The following CIMIP7 variants were observed in gnomAD, a reference collection of about 807,000 sequenced individuals.
CIMIP7 encodes uncharacterized protein C3orf84.
At chr3:49,189,924 G>A in the CIMIP7 span, 3 of 844,076 alleles carry the variant, frequency 3.6e-6, no homozygotes, top group East Asian at 7.3e-5. Context: ...CCAGGGATAG[G>A]TGTCAGTACA....
At chr3:49,191,676 A>G in the CIMIP7 span, 1 of 1,528,026 alleles carries the variant, frequency 6.5e-7, no homozygotes, top group Non-Finnish European at 9.0e-7. Flanking sequence ...CTTCACCGGC[A>G]TGACTCAGTC....
chr3:49,182,462 G>A, the CIMIP7 span, among the ~76,000 whole-genome samples: 1 of 152,176 alleles, frequency 6.6e-6, no homozygotes, highest in Non-Finnish European at 1.5e-5. Flanking sequence ...CACAAACCCT[G>A]AGCTAGACAC....
At chr3:49,178,617 G>A in the CIMIP7 span, 10 of 1,280,878 alleles carry the variant, frequency 7.8e-6, no homozygotes, top group Non-Finnish European at 1.1e-5. Flanking sequence ...ACTGCCTCAG[G>A]GTCCTTAATG....
the CIMIP7 span, chr3:49,177,639 G>A: frequency 3.2e-6 from 5 of 1,573,472 alleles, no homozygotes; most frequent in South Asian, 5.8e-5. Flanking sequence ...TGCTGTGTCA[G>A]CTGTCCTTGT....
chr3:49,178,787 A>G, the CIMIP7 span, among the ~76,000 whole-genome samples: 1 of 152,314 alleles, frequency 6.6e-6, no homozygotes, highest in South Asian at 2.1e-4. Context: ...GGTCCTCAAT[A>G]AGGAGGCATC....
chr3:49,184,876 C>T, the CIMIP7 span, among the ~76,000 whole-genome samples: 1 of 150,670 alleles, frequency 6.6e-6, no homozygotes, highest in Non-Finnish European at 1.5e-5. Flanking sequence ...GCAATCCACC[C>T]ACCTCGGCCT....
chr3:49,190,131 T>C, the CIMIP7 span: 3 of 1,600,714 alleles, frequency 1.9e-6, no homozygotes, highest in Non-Finnish European at 2.5e-6. Flanking sequence ...ATAGAAGCCA[T>C]TGTTGTGCTA....
At chr3:49,191,633 T>G in the CIMIP7 span, 1 of 1,230,008 alleles carries the variant, frequency 8.1e-7, no homozygotes, top group Non-Finnish European at 1.2e-6. Flanking sequence ...CAGGGTCCTA[T>G]TCCAGGTTGG....
At chr3:49,185,999 CTTTT>C in the CIMIP7 span, among the ~76,000 whole-genome samples, 11 of 129,178 alleles carry the variant, frequency 8.5e-5, no homozygotes, top group Non-Finnish European at 8.3e-5. Flanking sequence ...TTTTATAGCT[CTTTT>C]TTTTTTTTTT....
At chr3:49,188,130 C>T in the CIMIP7 span, among the ~76,000 whole-genome samples, 1 of 152,202 alleles carries the variant, frequency 6.6e-6, no homozygotes, top group Admixed American at 6.5e-5. Context: ...GGAGGTGGCC[C>T]TGGATGGGCA....
the CIMIP7 span, among the ~76,000 whole-genome samples, chr3:49,184,787 C>A: frequency 6.6e-6 from 1 of 151,808 alleles, no homozygotes; most frequent in Non-Finnish European, 1.5e-5. Context: ...AGCCACCAAC[C>A]TCAGCAAATT....
chr3:49,178,205 CTT>C, the CIMIP7 span: 2 of 759,998 alleles, frequency 2.6e-6, no homozygotes, highest in Non-Finnish European at 4.1e-6. Flanking sequence ...CCAGTGATGT[CTT>C]TCATTCTAAG....
chr3:49,180,346 A>C, the CIMIP7 span, among the ~76,000 whole-genome samples: 1 of 152,016 alleles, frequency 6.6e-6, no homozygotes, highest in East Asian at 1.9e-4. Context: ...GCCTTGCTCC[A>C]CTCCCATGCA....
At chr3:49,191,666 C>T in the CIMIP7 span, 1 of 1,494,428 alleles carries the variant, frequency 6.7e-7, no homozygotes, top group South Asian at 1.1e-5. Context: ...AACCTTTTCA[C>T]TTCACCGGCA....
the CIMIP7 span, among the ~76,000 whole-genome samples, chr3:49,186,638 C>T: frequency 5.3e-5 from 8 of 151,866 alleles, no homozygotes; most frequent in East Asian, 1.9e-4. Flanking sequence ...CTCCTGACCT[C>T]GTGATCCGCC....
chr3:49,188,976 T>G, the CIMIP7 span, among the ~76,000 whole-genome samples: 1 of 151,686 alleles, frequency 6.6e-6, no homozygotes, highest in East Asian at 1.9e-4. Flanking sequence ...TTTTTTTTTT[T>G]TTTTTGAGAC....
the CIMIP7 span, among the ~76,000 whole-genome samples, chr3:49,190,665 T>G: frequency 2.3e-5 from 3 of 129,752 alleles, no homozygotes; most frequent in Admixed American, 2.3e-4. Context: ...CAGGCTGAAT[T>G]TTTTTTTTTT....
At chr3:49,186,053 T>TGCAATG in the CIMIP7 span, among the ~76,000 whole-genome samples, 69 of 149,634 alleles carry the variant, frequency 4.6e-4, no homozygotes, top group African/African-American at 1.7e-3. Flanking sequence ...CAGGCTGAAG[T>TGCAATG]GCAATGGCGC....
the CIMIP7 span, among the ~76,000 whole-genome samples, chr3:49,186,927 T>G: frequency 6.6e-6 from 1 of 152,234 alleles, no homozygotes; most frequent in African/African-American, 2.4e-5. Flanking sequence ...TATGAATTGA[T>G]AATTATTTCA....
Sources: allele counts gnomAD v4.1 joint callset (sites outside exome capture counted in the v4.1 genomes callset), GRCh38; gene constraint gnomAD v4.1.1; transcripts MANE v1.5; gene names NCBI Gene and HGNC (gene_info 2026-07-23, HGNC 2026-07-21).